Variants in CTBP2 observed in about 807,000 individuals in gnomAD.
CTBP2 encodes the protein C-terminal binding protein 2.
CTBP2 carries 30 observed loss-of-function variants against 80.3 expected under a neutral mutation model. The observed-to-expected ratio is 0.37, with a 90% confidence interval of 0.28 to 0.51. The LOEUF (loss-of-function observed/expected upper bound fraction) is 0.51, where lower values mean the gene tolerates loss of function less well. Ranked by LOEUF, CTBP2 falls within the 20% of genes least tolerant of loss-of-function variation. CTBP2 has a pLI of 0.93. For missense variants in CTBP2, 1,212 were observed against 1,375.3 expected (o/e 0.88, Z 1.88); for synonymous variants, 594 against 587.4 (o/e 1.01, Z -0.16).
intron 1 of CTBP2, among the ~76,000 whole-genome samples, chr10:125,023,979 A>C (rs1957304309): frequency 6.6e-6 from 1 of 152,210 alleles, no homozygotes; most frequent in African/African-American, 2.4e-5. Context: ...AGATGCGTTC[A>C]GGCTGGCGGC....
chr10:125,003,904 C>G (rs546201359), intron 1 of CTBP2, among the ~76,000 whole-genome samples: 1 of 152,326 alleles, frequency 6.6e-6, no homozygotes, highest in South Asian at 2.1e-4. Context: ...CTGGACAGGC[C>G]CTGCACAAAC....
Position 124,984,588 on chromosome 10 carries a change from T to C in CTBP2, c.*4930A>G, listed in dbSNP as rs111773828. 36 of 567,788 alleles carry C rather than the reference T, an allele frequency of 6.3e-5. No homozygotes were observed. In the African/African-American group the frequency reaches 6.8e-4, roughly 11 times the overall value. The allele number at this position is 567,788 out of a possible 1,614,324, so 35.2% of individuals were successfully genotyped here. A position where few individuals can be genotyped will look rare whatever the true frequency, so the allele number is the denominator to read the frequency against. On this transcript the variant is annotated 3_prime_UTR_variant, in exon 9 of 9. Transcript: ENST00000309035. ...TGAGAAATTTCCCATTTATGTCTTT[T>C]TAAATTTAACCAGAGCAAACTGGAC...
At position 124,989,584 on chromosome 10, in the gene CTBP2, G is replaced by T. The variant is rs1952304241; in HGVS notation, c.2892C>A (p.Ser964=). Residue 964 remains serine, a synonymous_variant, in exon 9 of 9, where the codon TCC becomes TCA. Transcript: ENST00000309035. Reference sequence around the variant, plus strand: ...TGGGCTGGTTGGGAGAGGGCGCTTGGGAAGGATGTGCCACTGTCGGGAGGT... The same window carrying T: ...TGGGCTGGTTGGGAGAGGGCGCTTGTGAAGGATGTGCCACTGTCGGGAGGT... 4 of 1,613,576 alleles carry T rather than the reference G, an allele frequency of 2.5e-6. No homozygotes were observed. The highest frequency in any genetic ancestry group is 3.4e-6 in the Non-Finnish European group (4 of 1,179,816).
intron 3 of CTBP2, among the ~76,000 whole-genome samples, chr10:125,036,805 C>A (rs1274497671): frequency 1.3e-5 from 2 of 151,878 alleles, no homozygotes; most frequent in Non-Finnish European, 2.9e-5. Flanking sequence ...CAGAAAAAAA[C>A]AGACTGCCCG....
chr10:125,047,729 TATATA>T (rs1173261722), intron 2 of CTBP2, among the ~76,000 whole-genome samples: 3 of 152,374 alleles, frequency 2.0e-5, no homozygotes, highest in African/African-American at 7.2e-5. Context: ...TATCATATAG[TATATA>T]ATAAATTATT....
intron 1 of CTBP2, among the ~76,000 whole-genome samples, chr10:125,121,925 A>T (rs973696042): frequency 6.6e-6 from 1 of 152,232 alleles, no homozygotes; most frequent in Non-Finnish European, 1.5e-5. Context: ...CAGGTGACGC[A>T]GCCTCTTACC....
rs1019127462 is a variant in CTBP2, at chr10:125,050,249, G to A, written c.-101-11094C>T. 3.3e-5 allele frequency among the ~76,000 whole-genome samples: 5 copies of A among 152,158 alleles called. No individual in the cohort carries two copies. In the East Asian group the frequency reaches 7.7e-4, roughly 23 times the overall value. On this transcript the variant is annotated intron_variant, in intron 2 of 10. Transcript: ENST00000337195. ...GGGGCACCGGTACCCTGTCTCCTGC[G>A]ACAGGTCGTGGAAATGATATGTAGA...
At chr10:125,130,207 C>G (rs997872579) in intron 1 of CTBP2, among the ~76,000 whole-genome samples, 1 of 152,062 alleles carries the variant, frequency 6.6e-6, no homozygotes, top group East Asian at 1.9e-4. Flanking sequence ...ACCACCATGC[C>G]CAGCTAATTT....
intron 2 of CTBP2, among the ~76,000 whole-genome samples, chr10:125,071,767 A>G (rs556614054): frequency 1.3e-5 from 2 of 152,268 alleles, no homozygotes; most frequent in East Asian, 3.9e-4. Flanking sequence ...TCACAAAACC[A>G]AATTCCCAGA....
At chr10:125,077,270 C>T (rs1311154693) in intron 2 of CTBP2, among the ~76,000 whole-genome samples, 1 of 152,216 alleles carries the variant, frequency 6.6e-6, no homozygotes, top group Non-Finnish European at 1.5e-5. Flanking sequence ...AGAAAAGCCA[C>T]ATTTTCAAGA....
intron 1 of CTBP2, among the ~76,000 whole-genome samples, chr10:125,130,192 C>T (rs550569415): frequency 9.2e-5 from 14 of 152,210 alleles, no homozygotes; most frequent in African/African-American, 2.4e-4. Context: ...GGATTACAGA[C>T]GCACACCACC....
rs1401630369 is a variant in CTBP2 at position 124,989,508 on chromosome 10, G to T, written c.*10C>A. ...AGTGTATCTGAGTGATTACCTTCTG[G>T]CATTCTCTGCTATTGCTCGTTGGGG... On this transcript the variant is annotated 3_prime_UTR_variant, in exon 9 of 9. Transcript: ENST00000309035. 1 of 1,611,310 alleles carries T rather than the reference G, an allele frequency of 6.2e-7. No homozygotes were observed.
chr10:125,059,048 T>C (rs1485854485), intron 2 of CTBP2, among the ~76,000 whole-genome samples: 1 of 152,170 alleles, frequency 6.6e-6, no homozygotes, highest in Non-Finnish European at 1.5e-5. Context: ...GGGAGGCTTC[T>C]GCATGGATAC....
intron 1 of CTBP2, 91 bp from the exon 2 acceptor site, chr10:125,111,184 A>G (rs1852241400): frequency 6.6e-6 from 1 of 152,132 alleles, no homozygotes; most frequent in Non-Finnish European, 1.5e-5. Flanking sequence ...CATTTTTCCA[A>G]TGCCTTCGAC....
intron 1 of CTBP2, among the ~76,000 whole-genome samples, chr10:125,156,107 C>T (rs1479273452): frequency 6.6e-6 from 1 of 152,098 alleles, no homozygotes; most frequent in African/African-American, 2.4e-5. Context: ...TTAGTTACTA[C>T]AAAAATATGT....
intron 3 of CTBP2, among the ~76,000 whole-genome samples, chr10:125,002,499 G>C (rs890566416): frequency 2.6e-5 from 4 of 152,222 alleles, no homozygotes; most frequent in Non-Finnish European, 5.9e-5. Flanking sequence ...ATGCTGCTAA[G>C]GCTGCCCTCC....
At chr10:125,037,921 G>A (rs1183491519) in intron 3 of CTBP2, among the ~76,000 whole-genome samples, 1 of 152,120 alleles carries the variant, frequency 6.6e-6, no homozygotes, top group Non-Finnish European at 1.5e-5. Context: ...AAAGAATCTG[G>A]AAAACTGAAT....
At chr10:125,092,273 C>G in intron 2 of CTBP2, among the ~76,000 whole-genome samples, 1 of 149,844 alleles carries the variant, frequency 6.7e-6, no homozygotes, top group South Asian at 2.1e-4. Context: ...TCACTGCAAC[C>G]TCTGCCTTCT....
chr10:125,145,803 G>A (rs977990718), intron 1 of CTBP2, among the ~76,000 whole-genome samples: 1 of 152,166 alleles, frequency 6.6e-6, no homozygotes, highest in African/African-American at 2.4e-5. Context: ...TGCAATTGAA[G>A]AATATGACAT....
Sources: gnomAD v4.1 joint callset for allele counts (sites outside exome capture counted in the v4.1 genomes callset) on GRCh38, gnomAD v4.1.1 for gene constraint, MANE v1.5 for transcripts, NCBI Gene and HGNC (gene_info 2026-07-23, HGNC 2026-07-21) for gene names.